SPIDR: variants seen among roughly 807,000 people sequenced by gnomAD.
The protein encoded by SPIDR is scaffold protein involved in DNA repair.
Under a neutral mutation model 104.6 loss-of-function variants are expected in SPIDR, and 93 were observed. That is an observed-to-expected ratio of 0.89 (90% confidence interval 0.75 to 1.06). The LOEUF (loss-of-function observed/expected upper bound fraction) is 1.06. Among genes scored for constraint, SPIDR ranks in the 50% least tolerant of loss-of-function variants. The pLI is 0.00. For missense variants in SPIDR, 1,154 were observed against 1,111.2 expected, an observed-to-expected ratio of 1.04 and a Z score of -0.55; for synonymous variants, 431 against 416.9, an observed-to-expected ratio of 1.03 and a Z score of -0.41.
chr8:47,575,174 G>A (rs1426961237), intron 8 of SPIDR, among the ~76,000 whole-genome samples: 1 of 152,000 alleles, frequency 6.6e-6, no homozygotes, highest in Non-Finnish European at 1.5e-5. Context: ...CTTGGGAATT[G>A]CCACTTCATC....
At chr8:47,564,072 CTTTTTTTTTTTTT>C (rs869220760) in intron 8 of SPIDR, among the ~76,000 whole-genome samples, 3 of 76,832 alleles carry the variant, frequency 3.9e-5, no homozygotes, top group East Asian at 7.9e-4. Flanking sequence ...TTTTTCTTTT[CTTTTTTTTTTTTT>C]TTTTTTTTTT....
intron 14 of SPIDR, among the ~76,000 whole-genome samples, chr8:47,710,593 C>T (rs2081723554): frequency 1.3e-5 from 2 of 151,958 alleles, no homozygotes; most frequent in Non-Finnish European, 2.9e-5. Flanking sequence ...CTTAGCCTCC[C>T]GAGTAGCTGG....
At chr8:47,710,828 G>A (rs1029880501) in intron 14 of SPIDR, among the ~76,000 whole-genome samples, 1 of 151,566 alleles carries the variant, frequency 6.6e-6, no homozygotes, top group Admixed American at 6.6e-5. Flanking sequence ...CATCCGGGCT[G>A]TAGTGCAGTG....
At chr8:47,466,902 T>TATATAG (rs1223962888) in intron 8 of SPIDR, among the ~76,000 whole-genome samples, 21 of 79,090 alleles carry the variant, frequency 2.7e-4, no homozygotes, top group African/African-American at 1.2e-3. Context: ...AAAAAAAAAA[T>TATATAG]ATATATATAT....
At chr8:47,365,882 AAAAAG>A (rs1224840518) in intron 5 of SPIDR, among the ~76,000 whole-genome samples, 2 of 152,204 alleles carry the variant, frequency 1.3e-5, no homozygotes, top group African/African-American at 2.4e-5. Flanking sequence ...GATTGTGAGA[AAAAAG>A]AAAAGCAAAA....
At chr8:47,511,365 C>A in intron 8 of SPIDR, 1 of 1,011,716 alleles carries the variant, frequency 9.9e-7, no homozygotes. Context: ...CAGTGCTGCT[C>A]GGTGTCTGAC....
At chr8:47,565,971 C>CATATATATATATATATAT (rs1170408396) in intron 8 of SPIDR, among the ~76,000 whole-genome samples, 554 of 41,328 alleles carry the variant, frequency 0.013, 53 homozygotes, top group East Asian at 0.022. Flanking sequence ...TATTTATACT[C>CATATATATATATATATAT]ATATATATAT....
chr8:47,282,626 G>A (rs1268480341), intron 2 of SPIDR, among the ~76,000 whole-genome samples: 6 of 152,216 alleles, frequency 3.9e-5, no homozygotes, highest in African/African-American at 1.4e-4. Flanking sequence ...GAATGTTATA[G>A]CTGATTCAAT....
At chr8:47,423,283 C>T (rs2065873643) in intron 7 of SPIDR, among the ~76,000 whole-genome samples, 1 of 138,778 alleles carries the variant, frequency 7.2e-6, no homozygotes, top group African/African-American at 2.6e-5. Context: ...GGTAACAGAG[C>T]GAGACTCTGT....
chr8:47,495,658 T>G (rs1217075289), intron 8 of SPIDR, among the ~76,000 whole-genome samples: 1 of 152,190 alleles, frequency 6.6e-6, no homozygotes, highest in African/African-American at 2.4e-5. Flanking sequence ...TTTCAAGACT[T>G]TCATAGTTTT....
chr8:47,735,800 T>C lies in SPIDR; in HGVS notation c.*350T>C. ...AACAAGTTGAACATTTTACCATGAT[T>C]GAACATGTTTTTATTACAGTATTTA... is the stretch of plus-strand genomic sequence containing the variant. On this transcript the variant is annotated 3_prime_UTR_variant, in exon 20 of 20. Transcript: ENST00000297423. The C allele has an allele frequency of 2.2e-6, 1 of 460,966 alleles. No homozygotes were observed. The highest frequency in any genetic ancestry group is 2.4e-5 in the South Asian group (1 of 42,014). 28.6% of individuals were successfully genotyped at this position (460,966 alleles called of 1,614,324 possible). A position where few individuals can be genotyped will look rare whatever the true frequency, so the allele number is the denominator to read the frequency against.
intron 5 of SPIDR, among the ~76,000 whole-genome samples, chr8:47,299,363 G>C (rs1233714816): frequency 1.3e-5 from 2 of 152,190 alleles, no homozygotes; most frequent in African/African-American, 4.8e-5. Context: ...GAGGCAATGG[G>C]GTTTTCTAGA....
At chr8:47,553,666 T>A (rs1026083748) in intron 8 of SPIDR, among the ~76,000 whole-genome samples, 17 of 152,224 alleles carry the variant, frequency 1.1e-4, no homozygotes, top group African/African-American at 3.6e-4. Flanking sequence ...TCAAGTTTTT[T>A]AGCTTCTTTG....
In SPIDR at chr8:47,735,852, A is replaced by G. The variant is rs529510354; in HGVS notation, c.*402A>G. The G allele has an allele frequency of 1.0e-4, 36 of 350,190 alleles. No individual in the cohort carries two copies. Among genetic ancestry groups the G allele is most frequent in the Non-Finnish European group, 1.1e-5 (2 of 187,398 alleles). The allele number at this position is 350,190 out of a possible 1,614,324, so 21.7% of individuals were successfully genotyped here. On this transcript the variant is annotated 3_prime_UTR_variant, in exon 20 of 20. Transcript: ENST00000297423. ...CATTCCCCCAAAGAATACCCTGCAA[A>G]GTGTAAACCTTTGTCCCATACTGTG...
intron 8 of SPIDR, among the ~76,000 whole-genome samples, chr8:47,449,882 T>C (rs1168762642): frequency 3.9e-5 from 6 of 152,118 alleles, no homozygotes; most frequent in African/African-American, 1.4e-4. Flanking sequence ...GCAATAGAAA[T>C]TTGTCAGCCC....
chr8:47,627,046 T>C (rs1039463381), intron 10 of SPIDR, among the ~76,000 whole-genome samples: 3 of 152,170 alleles, frequency 2.0e-5, no homozygotes, highest in African/African-American at 7.2e-5. Context: ...CACCATGGAA[T>C]ACTATGCAGC....
intron 1 of SPIDR, 24 bp downstream of exon 1, chr8:47,261,015 C>T (rs58299877): frequency 0.26 from 313,271 of 1,226,666 alleles, 41,025 homozygotes; most frequent in South Asian, 0.43. Context: ...CGGGAGTGGG[C>T]GCCGCGCCGT....
chr8:47,694,563 A>G (rs1306329175), intron 11 of SPIDR, among the ~76,000 whole-genome samples: 1 of 152,214 alleles, frequency 6.6e-6, no homozygotes. Flanking sequence ...GAGGCCAAAC[A>G]TTGGAGACCA....
At chr8:47,555,589 G>T (rs1269735589) in intron 8 of SPIDR, among the ~76,000 whole-genome samples, 1 of 152,222 alleles carries the variant, frequency 6.6e-6, no homozygotes, top group Non-Finnish European at 1.5e-5. Context: ...TGGAACTCAT[G>T]TTCCTTCCTG....
Sources: gnomAD v4.1 joint callset for allele counts (sites outside exome capture counted in the v4.1 genomes callset) on GRCh38, gnomAD v4.1.1 for gene constraint, MANE v1.5 for transcripts, NCBI Gene and HGNC (gene_info 2026-07-23, HGNC 2026-07-21) for gene names.